Variants in TMEM65 observed in about 807,000 individuals in gnomAD.
TMEM65 encodes transmembrane protein 65.
Under a neutral mutation model 25.4 loss-of-function variants are expected in TMEM65, and 22 were observed. The ratio of observed to expected loss-of-function variants is 0.86; its 90% CI spans 0.62 to 1.23. TMEM65 has a LOEUF of 1.23. Ranked by LOEUF, TMEM65 falls within the 50% of genes most tolerant of loss-of-function variation. TMEM65 has a pLI of 0.00. For missense variants in TMEM65, 262 were observed against 308.2 expected, an observed-to-expected ratio of 0.85 and a Z score of 1.12; for synonymous variants, 132 against 126.2, an observed-to-expected ratio of 1.05 and a Z score of -0.31.
chr8:124,322,748 A>G (rs1814320259), intron 4 of TMEM65, among the ~76,000 whole-genome samples: 1 of 152,136 alleles, frequency 6.6e-6, no homozygotes, highest in Non-Finnish European at 1.5e-5. Flanking sequence ...CTGTAATCCT[A>G]GCACTTTGGG....
At position 124,371,957 on chromosome 8, in the gene TMEM65, G is replaced by A. The variant is rs752739880; in HGVS notation, c.201C>T (p.Asn67=). 8 of 1,506,532 alleles carry A rather than the reference G, an allele frequency of 5.3e-6. No individual in the cohort carries two copies. The highest frequency in any genetic ancestry group is 2.2e-5 in the Admixed American group (1 of 46,458). 93.3% of individuals were successfully genotyped at this position (1,506,532 alleles called of 1,614,324 possible). Residue 67 remains asparagine (N), a synonymous_variant, in exon 1 of 7, where the codon AAC becomes AAT. Coordinates refer to ENST00000297632, the MANE Select transcript of TMEM65 (RefSeq NM_194291.3). ...TGAAGTCGCGCGCGCCCTGCGCCGT[G>A]TTCAGCGCCTCCATGGGCTCCTTCT... ...HPKKEPMEAL[N]TAQGARDFIY... is the part of the protein sequence containing the mutation.
rs1446260397 is a variant in TMEM65, at chr8:124,372,396, T to C, written c.-239A>G. The C allele has an allele frequency of 5.3e-6, 1 of 188,600 alleles. No homozygotes were observed. Among genetic ancestry groups the C allele is most frequent in the African/African-American group, 2.4e-5 (1 of 41,846 alleles). The allele number at this position is 188,600 out of a possible 1,614,324, so 11.7% of individuals were successfully genotyped here. A position where few individuals can be genotyped will look rare whatever the true frequency, so the allele number is the denominator to read the frequency against. The stretch of plus-strand genomic sequence containing the variant: ...CCCCTCCGATGGGAAAAACTTTCTC[T>C]GAGACGGCCGGGCCCGGACAGCGCC... On this transcript the variant is annotated 5_prime_UTR_variant, in exon 1 of 7. Coordinates refer to ENST00000297632, the MANE Select transcript of TMEM65 (RefSeq NM_194291.3).
In TMEM65 at chr8:124,308,806, G is replaced by A. The variant is rs1814123918; in HGVS notation, c.*5154C>T. 6.6e-6 allele frequency: 1 copy of A among 152,112 alleles called. No homozygotes were observed. The highest frequency in any genetic ancestry group is 2.4e-5 in the African/African-American group (1 of 41,422). The allele number at this position is 152,112 out of a possible 1,614,324, so 9.4% of individuals were successfully genotyped here. A position where few individuals can be genotyped will look rare whatever the true frequency, so the allele number is the denominator to read the frequency against. ...TTATTCAAGACTGATTTTACAACAT[G>A]AACCCTTCTATCACACAGGCACTAA... On this transcript the variant is annotated 3_prime_UTR_variant, in exon 7 of 7. Transcript: ENST00000297632.
intron 5 of TMEM65, among the ~76,000 whole-genome samples, chr8:124,321,513 C>T (rs1055069229): frequency 6.6e-6 from 1 of 152,076 alleles, no homozygotes; most frequent in African/African-American, 2.4e-5. Context: ...AAATAGATGT[C>T]CTTAGTTTGT....
At chr8:124,328,112 G>C (rs1003616426) in intron 2 of TMEM65, among the ~76,000 whole-genome samples, 3 of 151,984 alleles carry the variant, frequency 2.0e-5, no homozygotes, top group Admixed American at 2.0e-4. Flanking sequence ...TAAATTCAAT[G>C]ATCTGAGATA....
intron 1 of TMEM65, among the ~76,000 whole-genome samples, chr8:124,358,273 G>C (rs1033397614): frequency 6.6e-6 from 1 of 152,128 alleles, no homozygotes; most frequent in Non-Finnish European, 1.5e-5. Context: ...TAAAAACTCA[G>C]CTCATTATGT....
intron 1 of TMEM65, among the ~76,000 whole-genome samples, chr8:124,334,538 G>T (rs1391354525): frequency 6.6e-6 from 1 of 151,812 alleles, no homozygotes; most frequent in Non-Finnish European, 1.5e-5. Flanking sequence ...GGCCAAGGTG[G>T]GTGGGTCACA....
chr8:124,363,859 A>AAC (rs1814905175), intron 1 of TMEM65, among the ~76,000 whole-genome samples: 7 of 149,882 alleles, frequency 4.7e-5, no homozygotes, highest in African/African-American at 1.7e-4. Context: ...AAAAAAAAAA[A>AAC]AAAAAAAACA....
At chr8:124,355,640 T>C (rs1261658756) in intron 1 of TMEM65, among the ~76,000 whole-genome samples, 3 of 152,212 alleles carry the variant, frequency 2.0e-5, no homozygotes, top group Non-Finnish European at 2.9e-5. Flanking sequence ...TGATATAACA[T>C]AGGGGCTTCA....
At chr8:124,327,194 T>C (rs1297910397) in intron 3 of TMEM65, among the ~76,000 whole-genome samples, 160 bp downstream of exon 3, 1 of 152,050 alleles carries the variant, frequency 6.6e-6, no homozygotes, top group Non-Finnish European at 1.5e-5. Context: ...ATATTAAATA[T>C]AGCTTAATTA....
At chr8:124,371,058 C>A (rs1815004979) in intron 1 of TMEM65, among the ~76,000 whole-genome samples, 1 of 152,166 alleles carries the variant, frequency 6.6e-6, no homozygotes, top group Admixed American at 6.5e-5. Flanking sequence ...TTCTGGACTC[C>A]TTTTAGAAAT....
chr8:124,332,227 T>C (rs762890646), intron 1 of TMEM65, among the ~76,000 whole-genome samples: 9 of 152,204 alleles, frequency 5.9e-5, no homozygotes, highest in Non-Finnish European at 8.8e-5. Context: ...CCAGAGAATT[T>C]TCTGGTGAAG....
intron 6 of TMEM65, among the ~76,000 whole-genome samples, chr8:124,318,363 GTTTTTGTTTTTTT>G (rs1462535365): frequency 1.4e-5 from 1 of 73,840 alleles, no homozygotes; most frequent in Non-Finnish European, 2.3e-5. Flanking sequence ...GAATTTGCAT[GTTTTTGTTTTTTT>G]TTTTTTTTTT....
chr8:124,321,405 T>C (rs1052370511), intron 5 of TMEM65, among the ~76,000 whole-genome samples: 1 of 152,128 alleles, frequency 6.6e-6, no homozygotes, highest in Non-Finnish European at 1.5e-5. Context: ...CTTAGTCTAA[T>C]TTATACTCCC....
chr8:124,314,778 G>C (rs1814213160), intron 6 of TMEM65, among the ~76,000 whole-genome samples: 2 of 151,812 alleles, frequency 1.3e-5, no homozygotes, highest in African/African-American at 2.4e-5. Context: ...TCCTGACTCA[G>C]TCTCCCCAGT....
chr8:124,327,254 G>T (rs1814375617), intron 3 of TMEM65, 100 bp downstream of exon 3: 3 of 746,492 alleles, frequency 4.0e-6, no homozygotes, highest in Non-Finnish European at 6.6e-6. Context: ...TGTTCATTAT[G>T]ATATTAAAAC....
rs980153913 is a variant in TMEM65, at chr8:124,309,439, G to A, written c.*4521C>T. 12 of 152,292 alleles carry A rather than the reference G, an allele frequency of 7.9e-5. No individual in the cohort carries two copies. Among genetic ancestry groups the A allele is most frequent in the African/African-American group, 2.9e-4 (12 of 41,550 alleles). 9.4% of individuals were successfully genotyped at this position (152,292 alleles called of 1,614,324 possible). ...ACTGCTGTCAGTAAACATGCAAGAAGTAAGTATTAATCTTAATATTTAACT... is the reference window on the plus strand; with the variant it reads ...ACTGCTGTCAGTAAACATGCAAGAAATAAGTATTAATCTTAATATTTAACT... On this transcript the variant is annotated 3_prime_UTR_variant, in exon 7 of 7. Coordinates refer to ENST00000297632, the MANE Select transcript of TMEM65 (RefSeq NM_194291.3).
At chr8:124,363,836 CAAAAAAAAAAAAAA>C (rs869161640) in intron 1 of TMEM65, among the ~76,000 whole-genome samples, 33 of 55,716 alleles carry the variant, frequency 5.9e-4, no homozygotes, top group South Asian at 2.0e-3. Flanking sequence ...GACTCCGTCT[CAAAAAAAAAAAAAA>C]AAAAAAAAAA....
intron 1 of TMEM65, among the ~76,000 whole-genome samples, chr8:124,342,954 A>C (rs939321725): frequency 3.9e-5 from 6 of 152,158 alleles, no homozygotes; most frequent in African/African-American, 1.4e-4. Flanking sequence ...ATTGCACATA[A>C]GGCCGATGCT....
Sources: gnomAD v4.1 joint callset for allele counts (sites outside exome capture counted in the v4.1 genomes callset) on GRCh38, gnomAD v4.1.1 for gene constraint, MANE v1.5 for transcripts, NCBI Gene and HGNC (gene_info 2026-07-23, HGNC 2026-07-21) for gene names.